Variants in NFKB1 observed in about 807,000 individuals in gnomAD.
NFKB1 encodes nuclear factor kappa B subunit 1.
In NFKB1, 9 loss-of-function variants were observed where a neutral mutation model predicts 105.1. The ratio of observed to expected loss-of-function variants is 0.09; its 90% confidence interval spans 0.05 to 0.15. The LOEUF (loss-of-function observed/expected upper bound fraction) is 0.15, where lower values mean the gene tolerates loss of function less well. Ranked by LOEUF, NFKB1 falls within the 10% of genes least tolerant of loss-of-function variation. The pLI, the probability that NFKB1 is intolerant of heterozygous loss-of-function variation, is 1.00. For synonymous variants in NFKB1, 440 were observed against 442.2 expected (o/e 1.00, Z 0.06); for missense variants, 830 against 1,203.7 (o/e 0.69, Z 4.59).
In NFKB1 at chr4:102,613,513, G is replaced by A; in HGVS notation, c.2681G>A (p.Ser894Asn). ...ATTGAAGTGATCCAGGCAGCCTCCA[G>A]CCCAGTGAAGACCACCTCTCAGGCC... is the stretch of plus-strand genomic sequence containing the variant. ...EAIEVIQAAS[S>N]PVKTTSQAHS... The change falls in exon 23 of 24, where the codon AGC (serine) becomes AAC (asparagine). Residue 894 changes from serine to asparagine, a missense_variant. Ser to Asn is a conservative substitution (Grantham distance 46). Around this residue, in one of 8 missense-constraint regions of NFKB1, gnomAD observed 418 missense variants for 575.3 expected, o/e 0.73. Coordinates refer to ENST00000226574, the MANE Select transcript of NFKB1 (RefSeq NM_003998.4). 1.2e-6 allele frequency: 2 copies of A among 1,613,960 alleles called. No individual in the cohort carries two copies. Among genetic ancestry groups the A allele is most frequent in the Admixed American group, 3.3e-5 (2 of 60,016 alleles).
intron 5 of NFKB1, among the ~76,000 whole-genome samples, chr4:102,566,523 CAG>C (rs1277195627): frequency 2.0e-5 from 3 of 152,184 alleles, no homozygotes; most frequent in Admixed American, 2.0e-4. Flanking sequence ...TCACATGGCA[CAG>C]AGTTAGGATG....
intron 1 of NFKB1, among the ~76,000 whole-genome samples, chr4:102,521,312 A>G (rs1221404090): frequency 6.6e-6 from 1 of 152,190 alleles, no homozygotes; most frequent in Admixed American, 6.5e-5. Context: ...GCTTCCTCAC[A>G]TTCTTTATCA....
intron 22 of NFKB1, among the ~76,000 whole-genome samples, chr4:102,613,186 C>G (rs1005650920): frequency 6.6e-6 from 1 of 152,162 alleles, no homozygotes; most frequent in South Asian, 2.1e-4. Context: ...CTCGCTGTCT[C>G]TCTCTCTGCT....
Position 102,593,512 on chromosome 4 carries a change from G to A in NFKB1, c.1154G>A (p.Gly385Asp), listed in dbSNP as rs758005910. The change falls in exon 12 of 24, where the codon GGC (glycine) becomes GAC (aspartate). Residue 385 changes from glycine to aspartate, a missense_variant. By Grantham distance (94) the Gly-to-Asp change is moderately conservative. Transcript: ENST00000226574. ...GGTGGTAGTGGTGCTGGAGCTGGAGGCGGAGGCATGTTTGGTAGTGGCGGT... is the reference window on the plus strand; with the variant it reads ...GGTGGTAGTGGTGCTGGAGCTGGAGACGGAGGCATGTTTGGTAGTGGCGGT... ...FGGGSGAGAGGGGMFGSGGGG... is the reference protein window; with the variant it reads ...FGGGSGAGAGDGGMFGSGGGG... The A allele has an allele frequency of 6.2e-7, 1 of 1,613,590 alleles. No homozygotes were observed. The highest frequency in any genetic ancestry group is 1.7e-5 in the Admixed American group (1 of 60,008).
Position 102,576,871 on chromosome 4 carries a change from TC to T in NFKB1, c.408-3del. 1 of 1,603,786 alleles carries T rather than the reference TC, an allele frequency of 6.2e-7. No individual in the cohort carries two copies. The highest frequency in any genetic ancestry group is 8.5e-7 in the Non-Finnish European group (1 of 1,176,328). Reference sequence around the variant, plus strand: ...TTGCTGCTGCTGTTACTGTTTTTTCTCCAGCTTCGCAAACCTGGGTATACTT... The same window carrying T: ...TTGCTGCTGCTGTTACTGTTTTTTCTCAGCTTCGCAAACCTGGGTATACTT... On this transcript the variant is annotated splice_polypyrimidine_tract_variant and splice_region_variant and intron_variant, in intron 6 of 23. Transcript: ENST00000226574.
chr4:102,530,190 C>G (rs1423172672), intron 3 of NFKB1, among the ~76,000 whole-genome samples: 2 of 152,150 alleles, frequency 1.3e-5, no homozygotes, highest in Non-Finnish European at 2.9e-5. Flanking sequence ...TTTATTATCT[C>G]TGTATTCCTT....
chr4:102,506,519 A>G (rs1739426577), intron 1 of NFKB1, among the ~76,000 whole-genome samples: 1 of 152,192 alleles, frequency 6.6e-6, no homozygotes, highest in African/African-American at 2.4e-5. Context: ...AACACTATAG[A>G]AGCTGGGGCC....
At chr4:102,599,099 T>C (rs1726904475) in intron 15 of NFKB1, among the ~76,000 whole-genome samples, 1 of 152,174 alleles carries the variant, frequency 6.6e-6, no homozygotes, top group African/African-American at 2.4e-5. Context: ...ACTTCTGCTA[T>C]TGGGGAAATT....
Position 102,537,894 on chromosome 4 carries a change from T to G in NFKB1, c.196T>G (p.Ser66Ala), listed in dbSNP as rs1170050395. ...TTTCCGTTATGTATGTGAAGGCCCA[T>G]CCCATGGTGGACTACCTGGTGCCTC... Reference protein sequence around the residue: ...FRFRYVCEGPSHGGLPGASSE... With the variant: ...FRFRYVCEGPAHGGLPGASSE... The change falls in exon 5 of 24, where the codon TCC becomes GCC. Residue 66 changes from serine to alanine, a missense_variant. Ser to Ala is a moderately conservative substitution (Grantham distance 99). This residue lies in a region of NFKB1 where 15 missense variants were observed against 45.9 expected (regional missense o/e 0.33). Coordinates refer to ENST00000226574, the MANE Select transcript of NFKB1 (RefSeq NM_003998.4). The G allele has an allele frequency of 6.2e-7, 1 of 1,612,710 alleles. No homozygotes were observed. The highest frequency in any genetic ancestry group is 1.7e-5 in the Admixed American group (1 of 59,980).
chr4:102,594,941 C>A lies in NFKB1; in HGVS notation c.1260C>A (p.Phe420Leu). 1.2e-6 allele frequency: 2 copies of A among 1,611,364 alleles called. No homozygotes were observed. The highest frequency in any genetic ancestry group is 3.3e-4 in the Middle Eastern group (2 of 6,048). Residue 420 changes from phenylalanine to leucine, a missense_variant, in exon 13 of 24, where the codon TTC becomes TTA. Coordinates refer to ENST00000226574, the MANE Select transcript of NFKB1 (RefSeq NM_003998.4). ...YGFPTYGGIT[F>L]HPGTTKSNAG... ...TTCCTACTTATGGTGGGATTACTTT[C>A]CATCCTGGAACTACTAAATCTAATG... is the stretch of plus-strand genomic sequence containing the variant.
At chr4:102,593,811 A>G (rs1053612906) in intron 12 of NFKB1, among the ~76,000 whole-genome samples, 2 of 152,196 alleles carry the variant, frequency 1.3e-5, no homozygotes, top group Admixed American at 1.3e-4. Flanking sequence ...TTATTTAATG[A>G]ATACCTTCCT....
At position 102,596,275 on chromosome 4, in the gene NFKB1, G is replaced by A; in HGVS notation, c.1438G>A (p.Gly480Ser). 1 of 1,613,680 alleles carries A rather than the reference G, an allele frequency of 6.2e-7. No homozygotes were observed. Among genetic ancestry groups the A allele is most frequent in the Non-Finnish European group, 8.5e-7 (1 of 1,179,650 alleles). The part of the protein sequence containing the change: ...QEPSEATVGN[G>S]EVTLTYATGT... ...GCCCAGCGAGGCCACCGTTGGGAAT[G>A]GTGAGGTCACTCTAACGTATGCAAC... The change falls in exon 14 of 24, where the codon GGT (glycine) becomes AGT (serine). Residue 480 changes from glycine (G) to serine (S), a missense_variant. By Grantham distance (56) the Gly-to-Ser change is moderately conservative. Coordinates refer to ENST00000226574, the MANE Select transcript of NFKB1 (RefSeq NM_003998.4).
chr4:102,535,375 A>G (rs954491956), intron 4 of NFKB1, among the ~76,000 whole-genome samples: 1 of 152,224 alleles, frequency 6.6e-6, no homozygotes, highest in Non-Finnish European at 1.5e-5. Flanking sequence ...ATTGGCATTT[A>G]TGATTTACCT....
At chr4:102,548,317 G>A (rs575973211) in intron 5 of NFKB1, among the ~76,000 whole-genome samples, 4 of 152,114 alleles carry the variant, frequency 2.6e-5, no homozygotes, top group Non-Finnish European at 4.4e-5. Context: ...TCCATGCGAG[G>A]TGTGAGCATC....
chr4:102,525,588 T>C, intron 2 of NFKB1, 31 bp downstream of exon 2: 1 of 1,569,854 alleles, frequency 6.4e-7, no homozygotes, highest in Non-Finnish European at 8.7e-7. Context: ...GATAACTTTA[T>C]TTAAATATAT....
At chr4:102,535,597 G>A (rs1321427029) in intron 4 of NFKB1, among the ~76,000 whole-genome samples, 1 of 152,130 alleles carries the variant, frequency 6.6e-6, no homozygotes, top group Non-Finnish European at 1.5e-5. Flanking sequence ...ACTGAGATGA[G>A]TGAATGTGGA....
chr4:102,612,678 A>G, intron 22 of NFKB1, 72 bp downstream of exon 22: 1 of 1,388,326 alleles, frequency 7.2e-7, no homozygotes, highest in Admixed American at 1.8e-5. Flanking sequence ...GCCAGGGCAT[A>G]ATCTCCTTCC....
intron 10 of NFKB1, among the ~76,000 whole-genome samples, chr4:102,583,449 A>T (rs1386289343): frequency 6.6e-6 from 1 of 152,196 alleles, no homozygotes; most frequent in East Asian, 1.9e-4. Context: ...GTTCTGTTAG[A>T]TCGTTTGCTC....
rs560338888 is a variant in NFKB1, at chr4:102,604,897, A to C, written c.1753-1599A>C. ...CATAGCATGAAGGTATAATTGTTTA[A>C]GATATAATCCTTGGATTTAAGAACT... is the stretch of plus-strand genomic sequence containing the variant. On this transcript the variant is annotated intron_variant, in intron 16 of 23. Coordinates refer to ENST00000226574, the MANE Select transcript of NFKB1 (RefSeq NM_003998.4). Among the ~76,000 whole-genome samples the C allele has an allele frequency of 5.3e-5, 8 of 152,090 alleles. No individual in the cohort carries two copies. In the South Asian group the frequency reaches 1.7e-3, roughly 32 times the overall value.
Sources: allele counts gnomAD v4.1 joint callset (sites outside exome capture counted in the v4.1 genomes callset), GRCh38; gene constraint gnomAD v4.1.1; regional missense constraint gnomAD v4.1.1; transcripts MANE v1.5; gene names NCBI Gene and HGNC (gene_info 2026-07-23, HGNC 2026-07-21).